ZZEF1: variants seen among roughly 807,000 people sequenced by gnomAD.
The protein encoded by ZZEF1 is zinc finger ZZ-type and EF-hand domain-containing protein 1.
Under a neutral mutation model 342.8 loss-of-function variants are expected in ZZEF1, and 157 were observed. The observed-to-expected ratio is 0.46, with a 90% CI of 0.40 to 0.52. The LOEUF is 0.52. ZZEF1 is among the 20% of genes least tolerant of loss of function. The probability of loss-of-function intolerance (pLI) is 0.00; values close to 1 mark genes in which losing one functional copy is unlikely to be tolerated. For synonymous variants in ZZEF1, 1,505 were observed against 1,429.1 expected, an observed-to-expected ratio of 1.05 and a Z score of -1.20; for missense variants, 3,480 against 3,725.6, an observed-to-expected ratio of 0.93 and a Z score of 1.72.
At chr17:4,051,726 C>T (rs1023774730) in intron 35 of ZZEF1, among the ~76,000 whole-genome samples, 3 of 146,630 alleles carry the variant, frequency 2.0e-5, no homozygotes, top group African/African-American at 5.1e-5. Context: ...CTGGAATTGG[C>T]TTTAAAATAC....
At chr17:4,112,074 A>G (rs1362091728) in intron 5 of ZZEF1, among the ~76,000 whole-genome samples, 2 of 46,146 alleles carry the variant, frequency 4.3e-5, no homozygotes, top group African/African-American at 2.4e-4. Context: ...ATATATATAT[A>G]TATATATATA....
Position 4,112,778 on chromosome 17 carries a change from C to G in ZZEF1, c.897G>C (p.Arg299Ser). The change falls in exon 5 of 55, where the codon AGG (arginine) becomes AGC (serine). Residue 299 changes from arginine (R) to serine (S), a missense_variant. Arg to Ser is a moderately radical substitution (Grantham distance 110, BLOSUM62 -1). Transcript: ENST00000381638. ...RLKMKPDVVL[R>S]HLSIAVAATD... ...TGGCAGCCACTGCAATGGACAGGTG[C>G]CTAAGCACAACATCTGGCTTCATTT... is the stretch of plus-strand genomic sequence containing the variant. 6.3e-7 allele frequency: 1 copy of G among 1,590,886 alleles called. No homozygotes were observed. The highest frequency in any genetic ancestry group is 8.6e-7 in the Non-Finnish European group (1 of 1,165,638).
intron 11 of ZZEF1, among the ~76,000 whole-genome samples, chr17:4,094,855 A>G (rs916143283): frequency 3.9e-5 from 6 of 152,102 alleles, no homozygotes. Flanking sequence ...TTCCTAGGCA[A>G]TAAGTGACAA....
At chr17:4,112,846 AG>A in intron 4 of ZZEF1, 38 bp from the exon 5 acceptor site, 1 of 1,501,422 alleles carries the variant, frequency 6.7e-7, no homozygotes. Flanking sequence ...AAATGTTTAT[AG>A]GAGTCAAGAA....
At chr17:4,140,878 A>G (rs370231179) in intron 1 of ZZEF1, among the ~76,000 whole-genome samples, 4 of 151,812 alleles carry the variant, frequency 2.6e-5, no homozygotes, top group African/African-American at 9.6e-5. Flanking sequence ...CTGGGGGGAA[A>G]AAAAAAGGAG....
chr17:4,096,888 A>G (rs562341763), intron 9 of ZZEF1, among the ~76,000 whole-genome samples, 188 bp from the exon 10 acceptor site: 1 of 152,190 alleles, frequency 6.6e-6, no homozygotes, highest in Admixed American at 6.5e-5. Flanking sequence ...AGGTAAGCAG[A>G]GAACTGACCA....
intron 39 of ZZEF1, among the ~76,000 whole-genome samples, chr17:4,039,644 T>C (rs907406086): frequency 6.1e-5 from 9 of 146,350 alleles, no homozygotes; most frequent in African/African-American, 1.5e-4. Flanking sequence ...AAGAGAACTT[T>C]TTTTTTTTTT....
At chr17:4,109,470 G>A (rs934222894) in intron 6 of ZZEF1, among the ~76,000 whole-genome samples, 183 bp downstream of exon 6, 5 of 152,126 alleles carry the variant, frequency 3.3e-5, no homozygotes, top group African/African-American at 1.2e-4. Flanking sequence ...AAGTCAGAAC[G>A]TCAATCAAAG....
In ZZEF1 at chr17:4,108,922, T is replaced by A. The variant is rs539469261; in HGVS notation, c.1277+731A>T. On this transcript the variant is annotated intron_variant, in intron 6 of 54. Coordinates refer to ENST00000381638, the MANE Select transcript of ZZEF1 (RefSeq NM_015113.4). ...TGTCTAGAGAACAAAATATTAGCAA[T>A]CTCTTTTTGGCTGATACTCTCACCG... 2.6e-5 allele frequency among the ~76,000 whole-genome samples: 4 copies of A among 152,222 alleles called. No individual in the cohort carries two copies. The South Asian group carries it at 8.3e-4, about 32-fold the overall frequency.
chr17:4,008,682 G>C lies in ZZEF1; in HGVS notation c.8805+201C>G. On this transcript the variant is annotated intron_variant, in intron 54 of 54. Coordinates refer to ENST00000381638, the MANE Select transcript of ZZEF1 (RefSeq NM_015113.4). This position sits in a 1 kb window ranked among gnomAD's most constrained non-coding sequence, Gnocchi z 4.2. Reference sequence around the variant, plus strand: ...CAAATTCTTCTGACCCCACAGTTTAGAGTGAATGACTCTGATAAATGGGGC... The same window carrying C: ...CAAATTCTTCTGACCCCACAGTTTACAGTGAATGACTCTGATAAATGGGGC... 1 of 1,337,446 alleles carries C rather than the reference G, an allele frequency of 7.5e-7. No homozygotes were observed. The highest frequency in any genetic ancestry group is 9.6e-7 in the Non-Finnish European group (1 of 1,044,398). 82.8% of individuals were successfully genotyped at this position (1,337,446 alleles called of 1,614,324 possible).
intron 39 of ZZEF1, among the ~76,000 whole-genome samples, chr17:4,038,135 A>G (rs182096022): frequency 1.3e-3 from 205 of 152,378 alleles, no homozygotes; most frequent in Non-Finnish European, 2.6e-3. Flanking sequence ...TAACTTTTAC[A>G]TAAGTTTGTA....
intron 4 of ZZEF1, 22 bp downstream of exon 4, chr17:4,114,274 CAAA>C: frequency 6.8e-7 from 1 of 1,479,684 alleles, no homozygotes. Flanking sequence ...TTTTAAAAAA[CAAA>C]AAAGTATTAT....
rs1168437073 is a variant in ZZEF1, at chr17:4,102,331, G to C, written c.1658C>G (p.Pro553Arg). 2 of 1,613,516 alleles carry C rather than the reference G, an allele frequency of 1.2e-6. No homozygotes were observed. Among genetic ancestry groups the C allele is most frequent in the Admixed American group, 3.3e-5 (2 of 60,014 alleles). Residue 553 changes from proline to arginine, a missense_variant, in exon 9 of 55, where the codon CCG becomes CGG. Pro to Arg is a moderately radical substitution (Grantham distance 103, BLOSUM62 -2). This residue lies in a region of ZZEF1 where 1,528 missense variants were observed against 1,624.1 expected (regional missense o/e 0.94). Transcript: ENST00000381638. Reference sequence around the variant, plus strand: ...CCACCACTCACCATCCCTTGTCCACGGTTCAACAAGGAGGTTTTCGGGTCC... The same window carrying C: ...CCACCACTCACCATCCCTTGTCCACCGTTCAACAAGGAGGTTTTCGGGTCC... ...KSGPENLLVE[P>R]WTRDGFLTET...
In ZZEF1 at chr17:4,122,568, C is replaced by T. The variant is rs534559865; in HGVS notation, c.499+1339G>A. Reference sequence around the variant, plus strand: ...CTAATTTTTGTATTTTTAGTAGAGACGGAGTTTCTCCATGTTGGTCAGGCT... The same window carrying T: ...CTAATTTTTGTATTTTTAGTAGAGATGGAGTTTCTCCATGTTGGTCAGGCT... On this transcript the variant is annotated intron_variant, in intron 2 of 54. Coordinates refer to ENST00000381638, the MANE Select transcript of ZZEF1 (RefSeq NM_015113.4). Among the ~76,000 whole-genome samples the T allele has an allele frequency of 1.5e-4, 23 of 152,132 alleles. No homozygotes were observed. In the South Asian group the frequency reaches 4.2e-3, roughly 27 times the overall value.
intron 6 of ZZEF1, 140 bp from the exon 7 acceptor site, chr17:4,105,949 C>T: frequency 1.6e-6 from 1 of 642,872 alleles, no homozygotes; most frequent in Non-Finnish European, 2.6e-6. Flanking sequence ...ACAATATAAA[C>T]TGGCCCTTCT....
chr17:4,073,282 G>GT, intron 24 of ZZEF1, among the ~76,000 whole-genome samples: 1 of 152,078 alleles, frequency 6.6e-6, no homozygotes, highest in Non-Finnish European at 1.5e-5. Context: ...ATTTTCCTTT[G>GT]TTTTTTTCCA....
At chr17:4,039,276 T>C (rs866120343) in intron 39 of ZZEF1, among the ~76,000 whole-genome samples, 1 of 150,984 alleles carries the variant, frequency 6.6e-6, no homozygotes, top group African/African-American at 2.5e-5. Context: ...TAGACCAGCC[T>C]GTCCAACACA....
rs2057006123 is a variant in ZZEF1, at chr17:4,049,791, G to C, written c.5932C>G (p.Pro1978Ala). 6.2e-7 allele frequency: 1 copy of C among 1,614,122 alleles called. No individual in the cohort carries two copies. Among genetic ancestry groups the C allele is most frequent in the African/African-American group, 1.3e-5 (1 of 75,012 alleles). ...GACGCTCCGGTGGGCACAGTGACTG[G>C]TAGGGCCTGATCTTCTAGGCTCGAG... ...GDSSLEDQAL[P>A]VTVPTGASEE... Residue 1978 changes from proline to alanine, a missense_variant, in exon 37 of 55, where the codon CCA (proline) becomes GCA (alanine). By Grantham distance (27) the Pro-to-Ala change is conservative. Transcript: ENST00000381638.
intron 13 of ZZEF1, 28 bp from the exon 14 acceptor site, chr17:4,087,562 T>A (rs546646801): frequency 6.4e-7 from 1 of 1,567,408 alleles, no homozygotes; most frequent in Non-Finnish European, 8.6e-7. Context: ...TCAGAATAAA[T>A]AAAACTGAAA....
Sources: gnomAD v4.1 joint callset for allele counts (sites outside exome capture counted in the v4.1 genomes callset) on GRCh38, gnomAD v4.1.1 for gene constraint, gnomAD v4.1.1 regional missense constraint, Gnocchi (gnomAD v3.1) non-coding constraint, MANE v1.5 for transcripts, NCBI Gene and HGNC (gene_info 2026-07-23, HGNC 2026-07-21) for gene names.